Variants in SYT14 observed in about 807,000 individuals in gnomAD.
The protein encoded by SYT14 is synaptotagmin-14.
Under a neutral mutation model 74.2 loss-of-function variants are expected in SYT14, and 32 were observed. That is an observed-to-expected ratio of 0.43 (90% CI 0.33 to 0.58). SYT14 has a LOEUF of 0.58. Ranked by LOEUF, SYT14 falls within the 20% of genes least tolerant of loss-of-function variation. SYT14 has a pLI of 0.05. For synonymous variants in SYT14, 298 were observed against 337.7 expected (o/e 0.88, Z 1.29); for missense variants, 791 against 981.8 (o/e 0.81, Z 2.60).
At chr1:210,109,576 CAA>C (rs11392476) in intron 7 of SYT14, among the ~76,000 whole-genome samples, 14 of 130,412 alleles carry the variant, frequency 1.1e-4, no homozygotes, top group African/African-American at 1.6e-4. Context: ...GACTCTGTCT[CAA>C]AAAAAAAAAA....
At chr1:209,969,556 C>T (rs1387646524) in intron 2 of SYT14, among the ~76,000 whole-genome samples, 4 of 142,208 alleles carry the variant, frequency 2.8e-5, no homozygotes, top group South Asian at 2.2e-4. Flanking sequence ...GGCGTGATCT[C>T]GGCTCACTGC....
chr1:209,959,537 G>A (rs1166188494), intron 2 of SYT14, among the ~76,000 whole-genome samples: 3 of 152,134 alleles, frequency 2.0e-5, no homozygotes, highest in Admixed American at 1.3e-4. Context: ...TTGACACAGT[G>A]GAATATTATT....
chr1:210,049,500 G>A (rs1468169662), intron 5 of SYT14, among the ~76,000 whole-genome samples: 1 of 150,792 alleles, frequency 6.6e-6, no homozygotes, highest in Admixed American at 6.6e-5. Context: ...TGTTACATAG[G>A]TATACATGTG....
At chr1:209,956,728 A>G (rs781242369) in intron 2 of SYT14, among the ~76,000 whole-genome samples, 90 of 152,172 alleles carry the variant, frequency 5.9e-4, no homozygotes, top group Non-Finnish European at 1.2e-3. Flanking sequence ...TGCTCTATAT[A>G]TGCTAATGGT....
At chr1:210,045,204 T>C (rs2080862668) in intron 5 of SYT14, among the ~76,000 whole-genome samples, 1 of 152,194 alleles carries the variant, frequency 6.6e-6, no homozygotes, top group South Asian at 2.1e-4. Flanking sequence ...AATTCATCAG[T>C]GTAAGTTAGT....
chr1:210,114,955 C>A (rs963965497), intron 7 of SYT14, among the ~76,000 whole-genome samples: 1 of 150,888 alleles, frequency 6.6e-6, no homozygotes, highest in Non-Finnish European at 1.5e-5. Flanking sequence ...AGGGTTGGGA[C>A]TGAGGGGACA....
chr1:210,099,719 A>G (rs2082027267), intron 6 of SYT14, among the ~76,000 whole-genome samples: 1 of 152,244 alleles, frequency 6.6e-6, no homozygotes, highest in South Asian at 2.1e-4. Flanking sequence ...TAAAGGATAT[A>G]TTTTAAATTC....
intron 5 of SYT14, among the ~76,000 whole-genome samples, chr1:210,057,501 T>C (rs962188520): frequency 1.3e-5 from 2 of 152,240 alleles, no homozygotes; most frequent in Non-Finnish European, 2.9e-5. Context: ...TCTTTTGTTA[T>C]GTACAGTAAC....
intron 5 of SYT14, among the ~76,000 whole-genome samples, chr1:210,048,242 C>T (rs2080923031): frequency 6.6e-6 from 1 of 152,122 alleles, no homozygotes; most frequent in Non-Finnish European, 1.5e-5. Flanking sequence ...TCAAATTGGG[C>T]TATCAATTGT....
intron 5 of SYT14, among the ~76,000 whole-genome samples, chr1:210,065,761 A>G (rs1481603806): frequency 6.6e-6 from 1 of 152,046 alleles, no homozygotes; most frequent in Non-Finnish European, 1.5e-5. Context: ...GTTTTAGGGT[A>G]CATGTGCACA....
Position 210,122,447 on chromosome 1 carries a change from G to GA in SYT14, c.2034+21990dup, listed in dbSNP as rs1384798552. Among the ~76,000 whole-genome samples, 7 of 152,108 alleles carry GA rather than the reference G, an allele frequency of 4.6e-5. No individual in the cohort carries two copies. In the East Asian group the frequency reaches 1.4e-3, roughly 29 times the overall value. ...CTTGGTTGTCATGGCAGAGAGCATAGAAAACTAATCCTTGTCTTTTAAAGC... is the reference window on the plus strand; with the variant it reads ...CTTGGTTGTCATGGCAGAGAGCATAGAAAAACTAATCCTTGTCTTTTAAAGC... On this transcript the variant is annotated intron_variant, in intron 7 of 9. Coordinates refer to ENST00000637265, the Ensembl canonical transcript of SYT14.
chr1:210,052,665 C>CAAAAAAAAAG lies in SYT14; in HGVS notation c.1312+31420_1312+31421insGAAAAAAAAA, dbSNP rs2081021344. Among the ~76,000 whole-genome samples the CAAAAAAAAAG allele has an allele frequency of 4.7e-5, 2 of 42,252 alleles. 1 individual carries two copies. The highest frequency in any genetic ancestry group is 2.2e-4 in the African/African-American group (2 of 9,248). The allele number at this position is 42,252 out of a possible 152,430, so 27.7% of individuals were successfully genotyped here. Reference sequence around the variant, plus strand: ...CAGCAAGAGCGAAACTACATCTCACCAAAAAAAAAAAAAAAAAAAGCTCTC... The same window carrying CAAAAAAAAAG: ...CAGCAAGAGCGAAACTACATCTCACCAAAAAAAAAGAAAAAAAAAAAAAAAAAAAGCTCTC... On this transcript the variant is annotated intron_variant, in intron 5 of 9. Transcript: ENST00000637265.
chr1:210,103,097 T>TA (rs2082097549), intron 7 of SYT14, among the ~76,000 whole-genome samples: 1 of 152,154 alleles, frequency 6.6e-6, no homozygotes, highest in South Asian at 2.1e-4. Context: ...CATTTAAACT[T>TA]ACAGTTTTTT....
intron 5 of SYT14, among the ~76,000 whole-genome samples, chr1:210,022,380 T>A (rs2080322531): frequency 1.3e-5 from 2 of 152,306 alleles, no homozygotes; most frequent in South Asian, 2.1e-4. Flanking sequence ...AAAAAATATC[T>A]GACAGGTACT....
intron 1 of SYT14, among the ~76,000 whole-genome samples, chr1:209,941,663 G>A (rs72741085): frequency 0.045 from 6,906 of 152,188 alleles, 233 homozygotes; most frequent in Middle Eastern, 0.082. Context: ...GTAATTGCAC[G>A]CATTGAACAA....
In SYT14 at chr1:210,169,975, C is replaced by T. The variant is rs2083506337; in HGVS notation, c.*8933C>T. 2.0e-5 allele frequency: 3 copies of T among 151,674 alleles called. No homozygotes were observed. In the South Asian group the frequency reaches 6.2e-4, roughly 32 times the overall value. 9.4% of individuals were successfully genotyped at this position (151,674 alleles called of 1,614,324 possible). ...TTCTTCCTTCCCTCCCTCCTTCCTT[C>T]CTAGTTCTTTCATTTTTTCAGGCAA... On this transcript the variant is annotated 3_prime_UTR_variant, in exon 10 of 10. Coordinates refer to ENST00000637265, the Ensembl canonical transcript of SYT14.
At chr1:210,133,088 G>C (rs935177498) in intron 7 of SYT14, among the ~76,000 whole-genome samples, 4 of 152,126 alleles carry the variant, frequency 2.6e-5, no homozygotes, top group African/African-American at 9.7e-5. Flanking sequence ...AACTTCAAAA[G>C]GTGGTACCTT....
At chr1:210,033,722 CT>C (rs993442623) in intron 5 of SYT14, among the ~76,000 whole-genome samples, 8 of 151,646 alleles carry the variant, frequency 5.3e-5, no homozygotes, top group African/African-American at 1.9e-4. Context: ...AAGCTTTTAG[CT>C]TTTTATAATT....
intron 1 of SYT14, among the ~76,000 whole-genome samples, chr1:209,945,079 C>T (rs1443479144): frequency 6.6e-6 from 1 of 152,078 alleles, no homozygotes; most frequent in Non-Finnish European, 1.5e-5. Flanking sequence ...TTTTTTCCTG[C>T]CAGTTGTGGA....
Sources: allele counts gnomAD v4.1 joint callset (sites outside exome capture counted in the v4.1 genomes callset), GRCh38; gene constraint gnomAD v4.1.1; transcripts MANE v1.5; gene names NCBI Gene and HGNC (gene_info 2026-07-23, HGNC 2026-07-21).